The following LMNA variants were observed in gnomAD, a reference collection of about 807,000 sequenced individuals.
LMNA encodes lamin.
Under a neutral mutation model 70.4 loss-of-function variants are expected in LMNA, and 20 were observed. The observed-to-expected ratio is 0.28, with a 90% CI of 0.20 to 0.41. The LOEUF is 0.41. Among genes scored for constraint, LMNA ranks in the 10% least tolerant of loss-of-function variants. The pLI is 1.00. For synonymous variants in LMNA, 339 were observed against 372.8 expected (o/e 0.91, Z 1.04); for missense variants, 652 against 917.2 (o/e 0.71, Z 3.73).
chr1:156,100,525 C>A (rs1029544980), intron 3 of LMNA, among the ~76,000 whole-genome samples: 3 of 151,996 alleles, frequency 2.0e-5, no homozygotes, highest in Non-Finnish European at 4.4e-5. Context: ...GCTCTCCTTA[C>A]TATTGTTATT....
Position 156,136,439 on chromosome 1 carries a change from A to T in LMNA, c.1380+3A>T, listed in dbSNP as rs1487175603. ...GGCTGCGCAACAAGTCCAATGAGGT[A>T]GGCTCCTGCTCAGGGTCTAAGGGGA... On this transcript the variant is annotated splice_donor_region_variant and intron_variant, in intron 7 of 11. Coordinates refer to ENST00000368300, the MANE Select transcript of LMNA (RefSeq NM_170707.4). The surrounding 1 kb of genome is among the most constrained non-coding windows in gnomAD (Gnocchi z 6.1). The T allele has an allele frequency of 6.4e-7, 1 of 1,567,794 alleles. No homozygotes were observed. Among genetic ancestry groups the T allele is most frequent in the South Asian group, 1.2e-5 (1 of 86,604 alleles).
At chr1:156,127,871 G>C (rs1250498186) in intron 1 of LMNA, among the ~76,000 whole-genome samples, 2 of 151,986 alleles carry the variant, frequency 1.3e-5, no homozygotes, top group Admixed American at 6.6e-5. Context: ...ATTTTTGATA[G>C]AGTCAGAGTT....
In LMNA at chr1:156,134,754, C is replaced by T. The variant is rs1436292127; in HGVS notation, c.640-51C>T. On this transcript the variant is annotated intron_variant, in intron 3 of 11. Transcript: ENST00000368300. The surrounding 1 kb of genome is among the most constrained non-coding windows in gnomAD (Gnocchi z 5.3). ...GCCCCGCCCCTGGGTCTTGGCCTCC[C>T]AGGAACTAATTCTGATTTTGGTTTC... The T allele has an allele frequency of 2.5e-6, 4 of 1,612,948 alleles. No individual in the cohort carries two copies. Among genetic ancestry groups the T allele is most frequent in the Non-Finnish European group, 2.5e-6 (3 of 1,179,156 alleles).
chr1:156,091,070 C>T (rs1447265532), intron 3 of LMNA: 4 of 152,222 alleles, frequency 2.6e-5, no homozygotes, highest in Non-Finnish European at 5.9e-5. Context: ...TGCTACCAGT[C>T]GTTTCCTGAC....
intron 3 of LMNA, among the ~76,000 whole-genome samples, chr1:156,104,265 G>T (rs1558111324): frequency 1.3e-5 from 2 of 152,208 alleles, no homozygotes; most frequent in Non-Finnish European, 2.9e-5. Flanking sequence ...GTGTAGGCTG[G>T]CTTTTGTTGG....
chr1:156,095,595 G>C (rs1308227364), intron 3 of LMNA, among the ~76,000 whole-genome samples: 1 of 151,448 alleles, frequency 6.6e-6, no homozygotes, highest in Non-Finnish European at 1.5e-5. Context: ...GACCTCAGGT[G>C]ATCCACCCGC....
chr1:156,092,863 C>CCTTT (rs779515602), intron 3 of LMNA, among the ~76,000 whole-genome samples: 29 of 151,202 alleles, frequency 1.9e-4, no homozygotes, highest in Non-Finnish European at 2.9e-4. Context: ...TGGACTTTCT[C>CCTTT]CTTTCTTTCT....
At chr1:156,108,027 A>G (rs1454897886) in intron 3 of LMNA, among the ~76,000 whole-genome samples, 1 of 152,072 alleles carries the variant, frequency 6.6e-6, no homozygotes, top group East Asian at 1.9e-4. Flanking sequence ...TCAGCCTCCC[A>G]AAATGCTGAG....
intron 3 of LMNA, among the ~76,000 whole-genome samples, chr1:156,105,145 G>A (rs1017737155): frequency 1.3e-5 from 2 of 152,206 alleles, no homozygotes; most frequent in African/African-American, 4.8e-5. Context: ...TTGGCATGCT[G>A]TGCAAGCTTG....
intron 3 of LMNA, among the ~76,000 whole-genome samples, chr1:156,095,751 A>G (rs1349077925): frequency 6.6e-6 from 1 of 152,078 alleles, no homozygotes; most frequent in Non-Finnish European, 1.5e-5. Flanking sequence ...TCCCCACTCT[A>G]TTACCTCCCC....
chr1:156,093,148 C>A (rs186974003), intron 3 of LMNA, among the ~76,000 whole-genome samples: 9 of 152,106 alleles, frequency 5.9e-5, no homozygotes, highest in East Asian at 1.9e-4. Flanking sequence ...CTTGGCCCCC[C>A]CAAAGTGCTG....
intron 1 of LMNA, among the ~76,000 whole-genome samples, chr1:156,116,651 G>A (rs1359763096): frequency 6.6e-6 from 1 of 152,060 alleles, no homozygotes; most frequent in Non-Finnish European, 1.5e-5. Flanking sequence ...TGCAACCTCC[G>A]CCTCCCAGGT....
upstream of LMNA, among the ~76,000 whole-genome samples, chr1:156,111,246 C>T (rs895407012): frequency 4.0e-5 from 6 of 151,796 alleles, no homozygotes; most frequent in Admixed American, 6.6e-5. Flanking sequence ...GTCAGGAGTT[C>T]GAGACCAGCC....
rs980855847 is a variant in LMNA, at chr1:156,127,302, G to A, written c.357-3315G>A. ...GCTCCCTGGCCACAGAGCTCCCAAG[G>A]TCTGAGTCATGAGCCCATGGGTGAT... On this transcript the variant is annotated intron_variant, in intron 1 of 11. Coordinates refer to ENST00000368300, the MANE Select transcript of LMNA (RefSeq NM_170707.4). Among the ~76,000 whole-genome samples, 7 of 152,118 alleles carry A rather than the reference G, an allele frequency of 4.6e-5. No individual in the cohort carries two copies. The East Asian group carries it at 1.2e-3, about 25-fold the overall frequency.
intron 1 of LMNA, among the ~76,000 whole-genome samples, chr1:156,117,079 A>ATTTTTTTTTTT (rs150049994): frequency 3.6e-5 from 4 of 112,664 alleles, no homozygotes; most frequent in Non-Finnish European, 5.4e-5. Flanking sequence ...ACACATGGCT[A>ATTTTTTTTTTT]TTTTTTTTTT....
intron 1 of LMNA, chr1:156,129,886 G>A (rs1412300731): frequency 1.3e-6 from 1 of 770,408 alleles, no homozygotes; most frequent in Admixed American, 1.7e-5. Flanking sequence ...TCTGGAACCA[G>A]ATGCTGAGGC....
Position 156,138,319 on chromosome 1 carries a change from T to A in LMNA, c.1699-169T>A. The A allele has an allele frequency of 6.1e-6, 4 of 659,172 alleles. No individual in the cohort carries two copies. In the South Asian group the frequency reaches 7.6e-5, roughly 12 times the overall value. The allele number at this position is 659,172 out of a possible 1,614,324, so 40.8% of individuals were successfully genotyped here. Reference sequence around the variant, plus strand: ...CTCCCCTTTTATGTCTTCCCTCTCCTCCTCCGGGCCCCTAGCCTCCCAAAC... The same window carrying A: ...CTCCCCTTTTATGTCTTCCCTCTCCACCTCCGGGCCCCTAGCCTCCCAAAC... On this transcript the variant is annotated intron_variant, in intron 10 of 11. Transcript: ENST00000368300. This position sits in a 1 kb window ranked among gnomAD's most constrained non-coding sequence, Gnocchi z 5.5.
chr1:156,138,613 C>CG lies in LMNA; in HGVS notation c.1826dup (p.Pro610ThrfsTer94). 6.2e-7 allele frequency: 1 copy of CG among 1,612,936 alleles called. No homozygotes were observed. Among genetic ancestry groups the CG allele is most frequent in the Non-Finnish European group, 8.5e-7 (1 of 1,179,794 alleles). On this transcript the variant is annotated frameshift_variant, in exon 11 of 12. Coordinates refer to ENST00000368300, the MANE Select transcript of LMNA (RefSeq NM_170707.4). LOFTEE classifies it high-confidence loss of function. The surrounding 1 kb of genome is among the most constrained non-coding windows in gnomAD (Gnocchi z 5.5). ...CCAGCGGCTCAGGAGCCCAGGTGGG[C>CG]GGACCCATCTCCTCTGGCTCTTCTG...
Position 156,136,602 on chromosome 1 carries a change from CTT to C in LMNA, c.1380+168_1380+169del, listed in dbSNP as rs771038586. On this transcript the variant is annotated intron_variant, in intron 7 of 11. Coordinates refer to ENST00000368300, the MANE Select transcript of LMNA (RefSeq NM_170707.4). This position sits in a 1 kb window ranked among gnomAD's most constrained non-coding sequence, Gnocchi z 6.1. ...TGGTTCCAGGCCTGGCTCCTGGACT[CTT>C]TGGCTGTGAGACCTTGAGCAGGTTA... 87 of 779,410 alleles carry C rather than the reference CTT, an allele frequency of 1.1e-4. No individual in the cohort carries two copies. The highest frequency in any genetic ancestry group is 1.8e-4 in the Non-Finnish European group (82 of 462,654). 48.3% of individuals were successfully genotyped at this position (779,410 alleles called of 1,614,324 possible).
Sources: gnomAD v4.1 joint callset for allele counts (sites outside exome capture counted in the v4.1 genomes callset) on GRCh38, gnomAD v4.1.1 for gene constraint, Gnocchi (gnomAD v3.1) non-coding constraint, MANE v1.5 for transcripts, NCBI Gene and HGNC (gene_info 2026-07-23, HGNC 2026-07-21) for gene names.